CCDC7: variants seen among roughly 807,000 people sequenced by gnomAD.
CCDC7 encodes coiled-coil domain-containing protein 7.
CCDC7 carries 183 observed loss-of-function variants against 196.9 expected under a neutral mutation model. The observed-to-expected ratio is 0.93, with a 90% CI of 0.82 to 1.05. CCDC7 has a LOEUF of 1.05. Ranked by LOEUF, CCDC7 falls within the 50% of genes least tolerant of loss-of-function variation. The probability of loss-of-function intolerance (pLI) is 0.00; values close to 1 mark genes in which losing one functional copy is unlikely to be tolerated. For missense variants in CCDC7, 1,540 were observed against 1,482.2 expected (o/e 1.04, Z -0.64); for synonymous variants, 525 against 484.6 (o/e 1.08, Z -1.10).
At chr10:32,596,718 G>A (rs965174147) in intron 18 of CCDC7, among the ~76,000 whole-genome samples, 6 of 152,246 alleles carry the variant, frequency 3.9e-5, no homozygotes, top group Admixed American at 6.5e-5. Context: ...TAAGGCAGGC[G>A]TTGTGATAAC....
chr10:32,742,837 C>T (rs1207428680), intron 28 of CCDC7, among the ~76,000 whole-genome samples: 1 of 152,078 alleles, frequency 6.6e-6, no homozygotes, highest in Non-Finnish European at 1.5e-5. Context: ...CTCATTTTAC[C>T]TTAATTATCT....
chr10:32,734,076 G>A (rs768919307), intron 28 of CCDC7, among the ~76,000 whole-genome samples: 20 of 152,118 alleles, frequency 1.3e-4, no homozygotes, highest in Non-Finnish European at 2.6e-4. Flanking sequence ...TCCTATTACT[G>A]GGTATATACC....
chr10:32,620,068 A>T (rs2063233481), intron 18 of CCDC7, among the ~76,000 whole-genome samples: 1 of 151,622 alleles, frequency 6.6e-6, no homozygotes, highest in Non-Finnish European at 1.5e-5. Context: ...GACTACAGAC[A>T]TGCACCACCA....
At chr10:32,826,835 G>A (rs914929073) in intron 32 of CCDC7, among the ~76,000 whole-genome samples, 1 of 152,222 alleles carries the variant, frequency 6.6e-6, no homozygotes, top group African/African-American at 2.4e-5. Context: ...TTCGAGTGGT[G>A]CACCTGGTTG....
chr10:32,687,467 T>TA (rs770290334), intron 22 of CCDC7, among the ~76,000 whole-genome samples: 60 of 152,290 alleles, frequency 3.9e-4, no homozygotes, highest in Non-Finnish European at 6.6e-4. Flanking sequence ...GAGGGAGTCA[T>TA]AAAAATGGAG....
chr10:32,453,827 C>A (rs552903063), intron 2 of CCDC7, among the ~76,000 whole-genome samples: 4 of 152,274 alleles, frequency 2.6e-5, no homozygotes, highest in Admixed American at 2.0e-4. Flanking sequence ...AAAAGATAAC[C>A]ACCAATTCCA....
intron 13 of CCDC7, among the ~76,000 whole-genome samples, chr10:32,562,287 C>T (rs2055848975): frequency 6.6e-6 from 1 of 152,158 alleles, no homozygotes; most frequent in Admixed American, 6.5e-5. Context: ...GGGAATCCTC[C>T]CTAACTCATT....
In CCDC7 at chr10:32,543,280, G is replaced by C. The variant is rs778976886; in HGVS notation, c.994-20G>C. On this transcript the variant is annotated intron_variant, in intron 11 of 41. Transcript: ENST00000639629. ...TTGTGTTTTTAACCCTTTATTTCTG[G>C]CTTATGTAAAATTATACAGAAAACT... The C allele has an allele frequency of 1.5e-6, 2 of 1,372,388 alleles. No homozygotes were observed. Among genetic ancestry groups the C allele is most frequent in the South Asian group, 3.5e-5 (2 of 57,898 alleles). The allele number at this position is 1,372,388 out of a possible 1,614,324, so 85.0% of individuals were successfully genotyped here.
At chr10:32,584,378 A>T in intron 18 of CCDC7, 74 bp downstream of exon 19, 1 of 988,050 alleles carries the variant, frequency 1.0e-6, no homozygotes, top group Non-Finnish European at 1.5e-6. Flanking sequence ...ATTATAAATA[A>T]ATGAGGGGAA....
chr10:32,578,006 A>G (rs988137508), intron 16 of CCDC7, among the ~76,000 whole-genome samples: 1 of 152,198 alleles, frequency 6.6e-6, no homozygotes, highest in African/African-American at 2.4e-5. Flanking sequence ...TATTTTTGCC[A>G]AAAGCTTCCG....
chr10:32,609,379 T>G (rs1019487030), intron 18 of CCDC7, among the ~76,000 whole-genome samples: 1 of 152,228 alleles, frequency 6.6e-6, no homozygotes, highest in African/African-American at 2.4e-5. Context: ...TGTCACTTTT[T>G]ACTGTTTTGA....
chr10:32,476,181 G>GCC (rs2038933054), intron 8 of CCDC7, among the ~76,000 whole-genome samples: 1 of 152,050 alleles, frequency 6.6e-6, no homozygotes, highest in Admixed American at 6.6e-5. Flanking sequence ...TAGTTTAATT[G>GCC]CCCCCAAAAT....
chr10:32,845,576 G>A, exon 35 of CCDC7: 1 of 1,612,690 alleles, frequency 6.2e-7, no homozygotes. Context: ...TATGCTACTG[G>A]AAGAGGTCTA....
chr10:32,487,463 C>T (rs1490136180), intron 8 of CCDC7, among the ~76,000 whole-genome samples: 1 of 152,192 alleles, frequency 6.6e-6, no homozygotes, highest in Non-Finnish European at 1.5e-5. Flanking sequence ...GTTTGATTGT[C>T]TGAAGCCTTC....
At chr10:32,794,531 T>C (rs958860641) in intron 29 of CCDC7, among the ~76,000 whole-genome samples, 16 of 152,212 alleles carry the variant, frequency 1.1e-4, no homozygotes, top group Non-Finnish European at 2.4e-4. Context: ...CTAAGTTACA[T>C]TCCCACCAGC....
chr10:32,533,246 A>AAC (rs58119017), intron 11 of CCDC7, among the ~76,000 whole-genome samples: 7,240 of 144,392 alleles, frequency 0.05, 206 homozygotes, highest in South Asian at 0.059. Context: ...AAACAAAGGA[A>AAC]ACACACACAC....
chr10:32,741,117 T>C (rs1235968859), intron 28 of CCDC7, among the ~76,000 whole-genome samples: 1 of 152,084 alleles, frequency 6.6e-6, no homozygotes, highest in African/African-American at 2.4e-5. Context: ...GAGATACTGC[T>C]TAATATTGAC....
At chr10:32,816,590 A>G (rs2088634378) in intron 31 of CCDC7, among the ~76,000 whole-genome samples, 1 of 152,210 alleles carries the variant, frequency 6.6e-6, no homozygotes, top group South Asian at 2.1e-4. Context: ...AACCCCTAGT[A>G]GGGGCAGACT....
At chr10:32,814,438 T>A (rs2087922296) in exon 31 of CCDC7, 1 of 1,609,456 alleles carries the variant, frequency 6.2e-7, no homozygotes, top group Non-Finnish European at 8.5e-7. Flanking sequence ...CAAGACACGA[T>A]CAAAGAGTCT....
Sources: allele counts gnomAD v4.1 joint callset (sites outside exome capture counted in the v4.1 genomes callset), GRCh38; gene constraint gnomAD v4.1.1; transcripts MANE v1.5; gene names NCBI Gene and HGNC (gene_info 2026-07-23, HGNC 2026-07-21).